Variants in GHR observed in about 807,000 individuals in gnomAD.
GHR encodes the protein GH receptor.
Under a neutral mutation model 67.1 loss-of-function variants are expected in GHR, and 35 were observed. The observed-to-expected ratio is 0.52, with a 90% CI of 0.40 to 0.69. The LOEUF is 0.69. Among genes scored for constraint, GHR ranks in the 30% least tolerant of loss-of-function variants. The pLI, the probability that GHR is intolerant of heterozygous loss-of-function variation, is 0.00. For synonymous variants in GHR, 272 were observed against 269.1 expected (o/e 1.01, Z -0.10); for missense variants, 792 against 764.6 (o/e 1.04, Z -0.42).
chr5:42,548,029 T>A, intron 1 of GHR: 1 of 944,704 alleles, frequency 1.1e-6, no homozygotes, highest in African/African-American at 1.8e-5. Flanking sequence ...CTTTGCTGAG[T>A]TCTAACGCTT....
In GHR at chr5:42,718,648, G is replaced by A. The variant is rs766900331; in HGVS notation, c.1141G>A (p.Asp381Asn). The change falls in exon 10 of 10, where the codon GAT becomes AAT. Residue 381 changes from aspartate to asparagine, a missense_variant. Coordinates refer to ENST00000230882, the MANE Select transcript of GHR (RefSeq NM_000163.5). ...ATCACATAGTAACCTAGGGGTGAAGGATGGCGACTCTGGACGTACCAGCTG... is the reference window on the plus strand; with the variant it reads ...ATCACATAGTAACCTAGGGGTGAAGAATGGCGACTCTGGACGTACCAGCTG... Reference protein sequence around the residue: ...EKSHSNLGVKDGDSGRTSCCE... With the variant: ...EKSHSNLGVKNGDSGRTSCCE... 2 of 1,614,156 alleles carry A rather than the reference G, an allele frequency of 1.2e-6. No individual in the cohort carries two copies. Among genetic ancestry groups the A allele is most frequent in the Admixed American group, 1.7e-5 (1 of 60,026 alleles).
At position 42,701,299 on chromosome 5, in the gene GHR, T is replaced by G. The variant is rs1395636845; in HGVS notation, c.618+1297T>G. Among the ~76,000 whole-genome samples, 3 of 152,190 alleles carry G rather than the reference T, an allele frequency of 2.0e-5. No individual in the cohort carries two copies. In the East Asian group the frequency reaches 5.8e-4, roughly 29 times the overall value. The stretch of plus-strand genomic sequence containing the variant: ...CAATGAAGAAGGAAGAAAAAGCCAG[T>G]TTCACGTTTGAAGTTCTTGATGAAG... On this transcript the variant is annotated intron_variant, in intron 6 of 9. Transcript: ENST00000230882.
At chr5:42,684,717 G>A (rs1296175201) in intron 3 of GHR, among the ~76,000 whole-genome samples, 1 of 152,076 alleles carries the variant, frequency 6.6e-6, no homozygotes, top group African/African-American at 2.4e-5. Flanking sequence ...TAAAACTCTT[G>A]TAAATTTCTC....
chr5:42,689,249 T>C (rs1414707007), intron 4 of GHR, among the ~76,000 whole-genome samples: 1 of 152,214 alleles, frequency 6.6e-6, no homozygotes, highest in African/African-American at 2.4e-5. Flanking sequence ...ATCCCTGGTC[T>C]CATGGAGATT....
intron 1 of GHR, chr5:42,549,759 G>C (rs923177581): frequency 1.6e-6 from 1 of 618,488 alleles, no homozygotes; most frequent in Admixed American, 6.3e-5. Flanking sequence ...GTACTGGGGG[G>C]TTTGAAACAG....
intron 1 of GHR, among the ~76,000 whole-genome samples, chr5:42,448,886 A>C (rs1011372349): frequency 6.6e-6 from 1 of 152,090 alleles, no homozygotes; most frequent in East Asian, 1.9e-4. Flanking sequence ...TTTGTTGACT[A>C]GGGTGTCCTT....
chr5:42,525,089 G>C (rs1269969729), intron 1 of GHR, among the ~76,000 whole-genome samples: 1 of 152,226 alleles, frequency 6.6e-6, no homozygotes, highest in East Asian at 1.9e-4. Context: ...GCACTGCCTA[G>C]TGAAGCTGTG....
chr5:42,608,517 A>G (rs1342358901), intron 2 of GHR, among the ~76,000 whole-genome samples: 1 of 152,144 alleles, frequency 6.6e-6, no homozygotes, highest in Non-Finnish European at 1.5e-5. Context: ...CATAAAGATG[A>G]GTGTCGTTTA....
chr5:42,666,540 A>T (rs1440183497), intron 3 of GHR, among the ~76,000 whole-genome samples: 1 of 152,154 alleles, frequency 6.6e-6, no homozygotes. Context: ...CACTCTTTTT[A>T]TTTTTAAATT....
At chr5:42,648,006 A>G (rs887029792) in intron 3 of GHR, among the ~76,000 whole-genome samples, 2 of 152,194 alleles carry the variant, frequency 1.3e-5, no homozygotes, top group Non-Finnish European at 2.9e-5. Context: ...CTGTGTGTAA[A>G]GTTTCTCTGT....
intron 1 of GHR, chr5:42,468,713 C>T (rs1310353754): frequency 3.1e-6 from 3 of 979,784 alleles, no homozygotes; most frequent in Non-Finnish European, 3.3e-6. Context: ...CCTGAGCTGC[C>T]GCTCTTGGCC....
chr5:42,529,343 A>C lies in GHR; in HGVS notation c.-11-36521A>C, dbSNP rs184884877. Among the ~76,000 whole-genome samples the C allele has an allele frequency of 1.2e-4, 18 of 152,254 alleles. 1 individual carries two copies. The highest frequency in any genetic ancestry group is 8.5e-4 in the Admixed American group (13 of 15,282). ...ACTTTTATATACAGTAGGAAACCAA[A>C]AAATTGTGTGGCTTGCTTTATTGAG... On this transcript the variant is annotated intron_variant, in intron 1 of 9. Coordinates refer to ENST00000230882, the MANE Select transcript of GHR (RefSeq NM_000163.5).
intron 3 of GHR, among the ~76,000 whole-genome samples, chr5:42,649,641 A>G (rs79713155): frequency 0.023 from 3,576 of 152,286 alleles, 126 homozygotes; most frequent in African/African-American, 0.079. Context: ...CATATGGAAA[A>G]CTGTCATCTC....
At chr5:42,494,625 G>A (rs1353154298) in intron 1 of GHR, among the ~76,000 whole-genome samples, 65 of 152,136 alleles carry the variant, frequency 4.3e-4, no homozygotes, top group Admixed American at 4.3e-3. Flanking sequence ...AGGCATCTCT[G>A]TGTACCTTCA....
chr5:42,448,574 T>TATG (rs1743915641), intron 1 of GHR, among the ~76,000 whole-genome samples: 1 of 806 alleles, frequency 1.2e-3, no homozygotes, highest in South Asian at 0.031. Context: ...ATCTGTTTAC[T>TATG]ATTATTATTA....
At chr5:42,539,581 T>C (rs545485499) in intron 1 of GHR, among the ~76,000 whole-genome samples, 7 of 152,348 alleles carry the variant, frequency 4.6e-5, no homozygotes, top group Admixed American at 2.0e-4. Flanking sequence ...TCCTGCATCC[T>C]GCAGGAGCAG....
chr5:42,540,732 T>C (rs1748471134), intron 1 of GHR, among the ~76,000 whole-genome samples: 1 of 151,224 alleles, frequency 6.6e-6, no homozygotes, highest in African/African-American at 2.4e-5. Flanking sequence ...CAGTTGTTTC[T>C]TAATGCAGCA....
chr5:42,474,290 AG>A (rs1216430044), intron 1 of GHR, among the ~76,000 whole-genome samples: 7 of 20,096 alleles, frequency 3.5e-4, no homozygotes, highest in African/African-American at 1.6e-3. Context: ...AAAGAAAAAG[AG>A]AAAGAGAAAG....
At chr5:42,461,594 A>G (rs1014932038) in intron 1 of GHR, among the ~76,000 whole-genome samples, 2 of 152,204 alleles carry the variant, frequency 1.3e-5, no homozygotes, top group African/African-American at 4.8e-5. Flanking sequence ...TCATAGCACC[A>G]TGAATGTCTC....
Sources: allele counts gnomAD v4.1 joint callset (sites outside exome capture counted in the v4.1 genomes callset), GRCh38; gene constraint gnomAD v4.1.1; transcripts MANE v1.5; gene names NCBI Gene and HGNC (gene_info 2026-07-23, HGNC 2026-07-21).